Variants in RCN3 observed in about 807,000 individuals in gnomAD.
RCN3 encodes the protein reticulocalbin 3.
RCN3 carries 41 observed loss-of-function variants against 35.9 expected under a neutral mutation model. The observed-to-expected ratio is 1.14, with a 90% CI of 0.89 to 1.48. The LOEUF (loss-of-function observed/expected upper bound fraction) is 1.48. Among genes scored for constraint, RCN3 ranks in the 40% most tolerant of loss-of-function variants. The pLI is 0.00. For missense variants in RCN3, 451 were observed against 471.3 expected (o/e 0.96, Z 0.40); for synonymous variants, 187 against 193.4 (o/e 0.97, Z 0.27).
intron 3 of RCN3, among the ~76,000 whole-genome samples, chr19:49,535,861 A>T (rs138734377): frequency 0.17 from 24,098 of 141,500 alleles, 2,179 homozygotes; most frequent in South Asian, 0.29. Flanking sequence ...AAAAAAAAAA[A>T]ATATATATAT....
intron 4 of RCN3, among the ~76,000 whole-genome samples, chr19:49,538,051 G>T (rs945350367): frequency 6.6e-6 from 1 of 151,112 alleles, no homozygotes; most frequent in Non-Finnish European, 1.5e-5. Flanking sequence ...GAGGGCAGTG[G>T]CTCAATCTCA....
Position 49,528,638 on chromosome 19 carries a change from C to T in RCN3, c.166C>T (p.His56Tyr). ...DDAHGNFQYD[H>Y]EAFLGREVAK... ...CGCCCACGGGAACTTCCAGTACGAC[C>T]ATGAGGCTTTCCTGGGACGGGAAGT... Residue 56 changes from histidine to tyrosine, a missense_variant, in exon 2 of 7, where the codon CAT becomes TAT. By Grantham distance (83) the His-to-Tyr change is moderately conservative. Transcript: ENST00000270645. 1.2e-6 allele frequency: 2 copies of T among 1,612,254 alleles called. No homozygotes were observed. The highest frequency in any genetic ancestry group is 1.1e-5 in the South Asian group (1 of 90,692).
chr19:49,528,608 G>C lies in RCN3; in HGVS notation c.136G>C (p.Asp46His), dbSNP rs1467856376. 5.0e-6 allele frequency: 8 copies of C among 1,612,022 alleles called. No individual in the cohort carries two copies. The highest frequency in any genetic ancestry group is 1.3e-5 in the African/African-American group (1 of 74,876). ...GGCCCCCCTGAGCGACGCTCCCCATGATGACGCCCACGGGAACTTCCAGTA... is the reference window on the plus strand; with the variant it reads ...GGCCCCCCTGAGCGACGCTCCCCATCATGACGCCCACGGGAACTTCCAGTA... Reference protein sequence around the residue: ...QAAPLSDAPHDDAHGNFQYDH... With the variant: ...QAAPLSDAPHHDAHGNFQYDH... Residue 46 changes from aspartate (D) to histidine (H), a missense_variant, in exon 2 of 7, where the codon GAT becomes CAT. Coordinates refer to ENST00000270645, the MANE Select transcript of RCN3 (RefSeq NM_020650.3).
At chr19:49,535,574 G>A (rs1326875384) in intron 3 of RCN3, among the ~76,000 whole-genome samples, 1 of 152,132 alleles carries the variant, frequency 6.6e-6, no homozygotes. Flanking sequence ...TACATAGCCT[G>A]GGTGCCATGG....
intron 5 of RCN3, among the ~76,000 whole-genome samples, chr19:49,539,672 G>T (rs2080153909): frequency 6.6e-6 from 1 of 150,762 alleles, no homozygotes; most frequent in African/African-American, 2.4e-5. Flanking sequence ...CACTGTCCCT[G>T]CCCCTAGCGG....
chr19:49,543,112 C>T lies in RCN3; in HGVS notation c.886C>T (p.Arg296Trp), dbSNP rs769222993. Residue 296 changes from arginine to tryptophan, a missense_variant, in exon 7 of 7, where the codon CGG (arginine) becomes TGG (tryptophan). Transcript: ENST00000270645. ...ACCCTGACCCTCCCTCCAGGATGGG[C>T]GGCTGAGCAAAGCGGAAATCCTGGG... is the stretch of plus-strand genomic sequence containing the variant. ...LHESDTDKDGRLSKAEILGNW... is the reference protein window; with the variant it reads ...LHESDTDKDGWLSKAEILGNW... 8.7e-6 allele frequency: 14 copies of T among 1,613,838 alleles called. No individual in the cohort carries two copies. The highest frequency in any genetic ancestry group is 6.7e-5 in the Admixed American group (4 of 59,992).
At position 49,543,334 on chromosome 19, in the gene RCN3, T is replaced by C. The variant is rs2080173059; in HGVS notation, c.*121T>C. The C allele has an allele frequency of 3.7e-6, 3 of 806,138 alleles. No individual in the cohort carries two copies. The highest frequency in any genetic ancestry group is 1.7e-5 in the African/African-American group (1 of 58,486). The allele number at this position is 806,138 out of a possible 1,614,324, so 49.9% of individuals were successfully genotyped here. A position where few individuals can be genotyped will look rare whatever the true frequency, so the allele number is the denominator to read the frequency against. ...GCAGATGCAGTCCCAGGCATCCTCC[T>C]GCCCCTGGGCTCTCAGGGACCCCCT... On this transcript the variant is annotated 3_prime_UTR_variant, in exon 7 of 7. Coordinates refer to ENST00000270645, the MANE Select transcript of RCN3 (RefSeq NM_020650.3).
At chr19:49,530,260 A>G (rs895289723) in intron 2 of RCN3, among the ~76,000 whole-genome samples, 3 of 151,278 alleles carry the variant, frequency 2.0e-5, no homozygotes, top group Admixed American at 2.0e-4. Context: ...CCCAGGTTCA[A>G]GCAATTCTCC....
rs561966270 is a variant in RCN3 at position 49,534,768 on chromosome 19, C to T, written c.445+373C>T. Among the ~76,000 whole-genome samples the T allele has an allele frequency of 1.1e-4, 16 of 152,176 alleles. No homozygotes were observed. In the Middle Eastern group the frequency reaches 0.01, roughly 97 times the overall value. ...CCAGGTTCCCTTCAGGGCTTTCATT[C>T]TGGGACTCACCACCTCTGTGACAAT... On this transcript the variant is annotated intron_variant, in intron 3 of 6. Coordinates refer to ENST00000270645, the MANE Select transcript of RCN3 (RefSeq NM_020650.3).
chr19:49,543,250 A>T lies in RCN3; in HGVS notation c.*37A>T. 6.5e-7 allele frequency: 1 copy of T among 1,545,352 alleles called. No homozygotes were observed. The highest frequency in any genetic ancestry group is 8.9e-7 in the Non-Finnish European group (1 of 1,121,574). On this transcript the variant is annotated 3_prime_UTR_variant, in exon 7 of 7. Coordinates refer to ENST00000270645, the MANE Select transcript of RCN3 (RefSeq NM_020650.3). ...CTGCCACAGCCTCAGAGGCCCGCACAATGACCGGAGGAGGGGCCGCTGTGG... is the reference window on the plus strand; with the variant it reads ...CTGCCACAGCCTCAGAGGCCCGCACTATGACCGGAGGAGGGGCCGCTGTGG...
chr19:49,529,730 G>A (rs1398868224), intron 2 of RCN3, among the ~76,000 whole-genome samples: 4 of 151,344 alleles, frequency 2.6e-5, no homozygotes, highest in Admixed American at 2.0e-4. Flanking sequence ...TGGTGGGGGG[G>A]AGTTGCAATT....
intron 4 of RCN3, 141 bp from the exon 5 acceptor site, chr19:49,538,978 T>G: frequency 5.3e-6 from 3 of 571,158 alleles, no homozygotes; most frequent in Non-Finnish European, 3.1e-6. Flanking sequence ...TGCCACCTGT[T>G]GAGACTGCTC....
chr19:49,538,807 T>G (rs1239079068), intron 4 of RCN3, among the ~76,000 whole-genome samples: 2 of 152,138 alleles, frequency 1.3e-5, no homozygotes, highest in African/African-American at 4.8e-5. Flanking sequence ...TGGAGGGTGT[T>G]TGCTGGGGCT....
intron 5 of RCN3, among the ~76,000 whole-genome samples, chr19:49,539,718 A>ATTTTTTTTTTTTTTTTTTTT: frequency 8.4e-6 from 1 of 119,198 alleles, no homozygotes; most frequent in Non-Finnish European, 1.7e-5. Flanking sequence ...CTAACAAGGA[A>ATTTTTTTTTTTTTTTTTTTT]TTTTTTTTTT....
At chr19:49,537,256 G>A (rs532664999) in intron 4 of RCN3, 51 bp downstream of exon 4, 1 of 1,419,332 alleles carries the variant, frequency 7.0e-7, no homozygotes, top group Non-Finnish European at 9.3e-7. Flanking sequence ...GGGGACCCAG[G>A]CTTCCGGTTC....
At chr19:49,540,439 C>T (rs982571982) in intron 5 of RCN3, among the ~76,000 whole-genome samples, 1 of 152,040 alleles carries the variant, frequency 6.6e-6, no homozygotes, top group Non-Finnish European at 1.5e-5. Flanking sequence ...CGAGACCAGC[C>T]TGGCCAAGAT....
intron 4 of RCN3, among the ~76,000 whole-genome samples, 162 bp from the exon 5 acceptor site, chr19:49,538,957 A>G (rs2080149936): frequency 6.6e-6 from 1 of 152,016 alleles, no homozygotes; most frequent in South Asian, 2.1e-4. Context: ...AAAGCCCGCA[A>G]ATTTCCCACA....
At chr19:49,528,262 G>T (rs1016854448) in intron 1 of RCN3, 6 of 489,052 alleles carry the variant, frequency 1.2e-5, no homozygotes, top group Non-Finnish European at 2.1e-5. Flanking sequence ...TCCGTCAGAA[G>T]ATTCGGTCCT....
At chr19:49,536,130 G>A (rs1205553633) in intron 3 of RCN3, among the ~76,000 whole-genome samples, 1 of 149,942 alleles carries the variant, frequency 6.7e-6, no homozygotes, top group African/African-American at 2.4e-5. Context: ...GGGATTACAG[G>A]CATGCGCCAC....
Sources: allele counts gnomAD v4.1 joint callset (sites outside exome capture counted in the v4.1 genomes callset), GRCh38; gene constraint gnomAD v4.1.1; transcripts MANE v1.5; gene names NCBI Gene and HGNC (gene_info 2026-07-23, HGNC 2026-07-21).